Variants in ELOVL7 observed in about 807,000 individuals in gnomAD.
ELOVL7 encodes the protein ELOVL fatty acid elongase 7.
In ELOVL7, 27 loss-of-function variants were observed where a neutral mutation model predicts 35.7. The observed-to-expected ratio is 0.76, with a 90% CI of 0.56 to 1.04. ELOVL7 has a LOEUF of 1.04. ELOVL7 is among the 50% of genes least tolerant of loss of function. The pLI is 0.00. For missense variants in ELOVL7, 327 were observed against 340.8 expected (o/e 0.96, Z 0.32); for synonymous variants, 113 against 114.6 (o/e 0.99, Z 0.09).
chr5:60,781,064 G>T (rs1429210933), intron 3 of ELOVL7, among the ~76,000 whole-genome samples: 1 of 152,032 alleles, frequency 6.6e-6, no homozygotes, highest in Admixed American at 6.6e-5. Flanking sequence ...ACAAAAATTA[G>T]CTAGGCATAG....
chr5:60,756,764 T>A (rs371526117), intron 8 of ELOVL7, among the ~76,000 whole-genome samples: 20 of 152,240 alleles, frequency 1.3e-4, no homozygotes, highest in African/African-American at 4.8e-4. Flanking sequence ...TTCTCATTGG[T>A]GTTACTGGCA....
chr5:60,792,997 C>T (rs1744032307), intron 2 of ELOVL7, among the ~76,000 whole-genome samples: 1 of 152,154 alleles, frequency 6.6e-6, no homozygotes, highest in Admixed American at 6.5e-5. Context: ...ATAGTCTCAA[C>T]ATGGTCCACA....
chr5:60,760,737 T>C (rs1013486061), intron 7 of ELOVL7, among the ~76,000 whole-genome samples: 1 of 152,202 alleles, frequency 6.6e-6, no homozygotes, highest in African/African-American at 2.4e-5. Flanking sequence ...TGAATGGTAA[T>C]GCTTAGGTTT....
chr5:60,796,777 G>A (rs1265912503), intron 2 of ELOVL7, among the ~76,000 whole-genome samples: 1 of 152,180 alleles, frequency 6.6e-6, no homozygotes, highest in Non-Finnish European at 1.5e-5. Flanking sequence ...TACACAACAA[G>A]TTCATAACTA....
At chr5:60,801,181 T>C (rs1171704112) in intron 1 of ELOVL7, among the ~76,000 whole-genome samples, 1 of 151,946 alleles carries the variant, frequency 6.6e-6, no homozygotes, top group Non-Finnish European at 1.5e-5. Context: ...TCCCACCTTG[T>C]CCTCCCGAAG....
chr5:60,759,241 T>G (rs1178660612), intron 7 of ELOVL7, among the ~76,000 whole-genome samples: 1 of 152,210 alleles, frequency 6.6e-6, no homozygotes, highest in Non-Finnish European at 1.5e-5. Flanking sequence ...ATATTTTAGC[T>G]AATCCCTCAA....
At chr5:60,784,499 T>G (rs1309912281) in intron 3 of ELOVL7, among the ~76,000 whole-genome samples, 1 of 152,210 alleles carries the variant, frequency 6.6e-6, no homozygotes, top group Non-Finnish European at 1.5e-5. Context: ...TTAAACCATT[T>G]TTTCTTCTGT....
intron 2 of ELOVL7, among the ~76,000 whole-genome samples, chr5:60,791,946 T>C (rs752764896): frequency 6.6e-6 from 1 of 152,110 alleles, no homozygotes; most frequent in Non-Finnish European, 1.5e-5. Context: ...ACATAGGCCA[T>C]TTTCCCCTCC....
chr5:60,807,668 G>A (rs903567273), intron 1 of ELOVL7, among the ~76,000 whole-genome samples: 2 of 152,006 alleles, frequency 1.3e-5, no homozygotes, highest in African/African-American at 2.4e-5. Flanking sequence ...TCTCCAGAAG[G>A]GTTTTGAGTT....
chr5:60,830,103 G>A (rs1262339370), intron 1 of ELOVL7, among the ~76,000 whole-genome samples: 1 of 152,128 alleles, frequency 6.6e-6, no homozygotes, highest in Non-Finnish European at 1.5e-5. Context: ...CACAGCTCAG[G>A]GCTCCTGAGA....
chr5:60,755,429 C>T (rs185058175), intron 8 of ELOVL7, among the ~76,000 whole-genome samples: 19 of 152,110 alleles, frequency 1.2e-4, no homozygotes, highest in Non-Finnish European at 1.8e-4. Flanking sequence ...GAGGCTGAGG[C>T]GGGTGGATCA....
chr5:60,833,915 T>G (rs1579941989), intron 1 of ELOVL7, among the ~76,000 whole-genome samples: 1 of 152,180 alleles, frequency 6.6e-6, no homozygotes, highest in East Asian at 1.9e-4. Flanking sequence ...AGTTTGGCCT[T>G]TTTTCATCAA....
In ELOVL7 at chr5:60,787,427, G is replaced by A. The variant is rs758913453; in HGVS notation, c.-30C>T. The A allele has an allele frequency of 3.3e-6, 5 of 1,516,112 alleles. No individual in the cohort carries two copies. The highest frequency in any genetic ancestry group is 4.5e-6 in the Non-Finnish European group (5 of 1,117,990). The allele number at this position is 1,516,112 out of a possible 1,614,324, so 93.9% of individuals were successfully genotyped here. A position where few individuals can be genotyped will look rare whatever the true frequency, so the allele number is the denominator to read the frequency against. On this transcript the variant is annotated 5_prime_UTR_variant, in exon 3 of 9. Transcript: ENST00000508821. ...CACAGGATTTACTGGCTCTTTTAAT[G>A]GGTTCTTCAGTAAAATAAAACAGAA...
At chr5:60,797,614 G>A (rs145744798) in intron 2 of ELOVL7, among the ~76,000 whole-genome samples, 98 of 152,348 alleles carry the variant, frequency 6.4e-4, no homozygotes, top group African/African-American at 2.3e-3. Flanking sequence ...CCCTGAGGAA[G>A]TGCCAGGTAG....
intron 1 of ELOVL7, among the ~76,000 whole-genome samples, chr5:60,829,252 CT>C (rs1285650584): frequency 6.6e-6 from 1 of 151,886 alleles, no homozygotes; most frequent in Non-Finnish European, 1.5e-5. Context: ...CTTTAACAAC[CT>C]TTTTTAAAAG....
rs1425568462 is a variant in ELOVL7 at position 60,753,481 on chromosome 5, A to C, written c.*1143T>G. On this transcript the variant is annotated 3_prime_UTR_variant, in exon 9 of 9. Coordinates refer to ENST00000508821, the MANE Select transcript of ELOVL7 (RefSeq NM_024930.3). ...AGTGTATCTATAACATTAATTATAT[A>C]ATATATTACTATTATGTAGTCTGTC... The C allele has an allele frequency of 6.6e-6, 1 of 152,154 alleles. No homozygotes were observed. Among genetic ancestry groups the C allele is most frequent in the Non-Finnish European group, 1.5e-5 (1 of 68,024 alleles). The allele number at this position is 152,154 out of a possible 1,614,324, so 9.4% of individuals were successfully genotyped here.
At chr5:60,764,815 A>C (rs2112152626) in intron 6 of ELOVL7, among the ~76,000 whole-genome samples, 1 of 152,252 alleles carries the variant, frequency 6.6e-6, no homozygotes, top group Middle Eastern at 3.4e-3. Context: ...AGAAAAATGA[A>C]GGGAGAAAAA....
intron 1 of ELOVL7, among the ~76,000 whole-genome samples, chr5:60,810,702 T>C (rs1238877661): frequency 1.3e-5 from 2 of 152,252 alleles, no homozygotes; most frequent in Non-Finnish European, 2.9e-5. Flanking sequence ...ATTTTGGTTC[T>C]AACTCCTGCA....
At chr5:60,792,136 C>G (rs1297692006) in intron 2 of ELOVL7, among the ~76,000 whole-genome samples, 1 of 152,092 alleles carries the variant, frequency 6.6e-6, no homozygotes, top group Non-Finnish European at 1.5e-5. Context: ...TAGATGTCAT[C>G]AAAGCCAGCA....
Sources: gnomAD v4.1 joint callset for allele counts (sites outside exome capture counted in the v4.1 genomes callset) on GRCh38, gnomAD v4.1.1 for gene constraint, MANE v1.5 for transcripts, NCBI Gene and HGNC (gene_info 2026-07-23, HGNC 2026-07-21) for gene names.